ZNF184: variants seen among roughly 807,000 people sequenced by gnomAD.
The protein encoded by ZNF184 is zinc finger protein 184, also known as zinc finger protein 184 (Kruppel-like).
ZNF184 carries 16 observed loss-of-function variants against 54.4 expected under a neutral mutation model. The ratio of observed to expected loss-of-function variants is 0.29; its 90% CI spans 0.20 to 0.45. The LOEUF is 0.45. Ranked by LOEUF, ZNF184 falls within the 20% of genes least tolerant of loss-of-function variation. The pLI, the probability that ZNF184 is intolerant of heterozygous loss-of-function variation, is 1.00. For missense variants in ZNF184, 681 were observed against 888.2 expected (o/e 0.77, Z 2.97); for synonymous variants, 254 against 295.3 (o/e 0.86, Z 1.43).
At chr6:27,427,116 TA>T in the ZNF184 span, among the ~76,000 whole-genome samples, 378 of 106,874 alleles carry the variant, frequency 3.5e-3, no homozygotes, top group African/African-American at 6.7e-3. Context: ...ACACTCTATG[TA>T]AAAAAAAAAA....
chr6:27,418,558 T>C, the ZNF184 span, among the ~76,000 whole-genome samples: 2 of 152,366 alleles, frequency 1.3e-5, no homozygotes, highest in South Asian at 4.1e-4. Context: ...TTTAATTTTT[T>C]CTGCCTAATA....
the ZNF184 span, among the ~76,000 whole-genome samples, chr6:27,425,825 A>G: frequency 6.6e-6 from 1 of 152,136 alleles, no homozygotes; most frequent in Non-Finnish European, 1.5e-5. Flanking sequence ...CTCTGAAACT[A>G]TATAAATCTT....
chr6:27,445,230 A>G, the ZNF184 span, among the ~76,000 whole-genome samples: 1 of 152,240 alleles, frequency 6.6e-6, no homozygotes, highest in African/African-American at 2.4e-5. Flanking sequence ...AAGTGGGTAA[A>G]TAGTGAAACA....
At chr6:27,471,643 A>G (rs1265480665) in intron 2 of ZNF184, among the ~76,000 whole-genome samples, 1 of 152,220 alleles carries the variant, frequency 6.6e-6, no homozygotes, top group Non-Finnish European at 1.5e-5. Context: ...CATCACATAG[A>G]CCAATCAAAA....
At chr6:27,470,602 A>G (rs1000441639) in intron 2 of ZNF184, among the ~76,000 whole-genome samples, 1 of 152,220 alleles carries the variant, frequency 6.6e-6, no homozygotes, top group African/African-American at 2.4e-5. Context: ...AAAATGTTCT[A>G]AATGCACAGA....
At chr6:27,443,583 C>A in the ZNF184 span, among the ~76,000 whole-genome samples, 1 of 152,146 alleles carries the variant, frequency 6.6e-6, no homozygotes, top group African/African-American at 2.4e-5. Context: ...CAATAGTCAA[C>A]AACCTAGACC....
chr6:27,420,401 C>G, the ZNF184 span, among the ~76,000 whole-genome samples: 14 of 152,164 alleles, frequency 9.2e-5, no homozygotes, highest in African/African-American at 3.1e-4. Flanking sequence ...CCATGACAGT[C>G]TTCTCTGGCC....
At chr6:27,439,904 A>T in the ZNF184 span, among the ~76,000 whole-genome samples, 1 of 152,078 alleles carries the variant, frequency 6.6e-6, no homozygotes, top group East Asian at 1.9e-4. Flanking sequence ...TTGTATGAAA[A>T]TTTTTTTGTT....
Position 27,452,884 on chromosome 6 carries a change from A to G in ZNF184, c.675T>C (p.Asn225=), listed in dbSNP as rs752102829. 1 of 1,614,108 alleles carries G rather than the reference A, an allele frequency of 6.2e-7. No individual in the cohort carries two copies. Among genetic ancestry groups the G allele is most frequent in the Non-Finnish European group, 8.5e-7 (1 of 1,179,990 alleles). ...PVKKEKSCKC[N]ECGKAFSYCS... ...AATAACTAAAGGCTTTCCCACATTCATTGCACTTACAAGATTTCTCTTTTT... is the reference window on the plus strand; with the variant it reads ...AATAACTAAAGGCTTTCCCACATTCGTTGCACTTACAAGATTTCTCTTTTT... Residue 225 remains asparagine, a synonymous_variant, in exon 6 of 6, where the codon AAT becomes AAC. Coordinates refer to ENST00000683788, the MANE Select transcript of ZNF184 (RefSeq NM_001318891.2). The surrounding 1 kb of genome is among the most constrained non-coding windows in gnomAD (Gnocchi z 5.5).
chr6:27,417,392 T>G, the ZNF184 span, among the ~76,000 whole-genome samples: 1 of 152,180 alleles, frequency 6.6e-6, no homozygotes, highest in Non-Finnish European at 1.5e-5. Flanking sequence ...CTGGTTTTTT[T>G]TTTTCCTCAA....
chr6:27,432,252 G>C, the ZNF184 span, among the ~76,000 whole-genome samples: 1 of 151,906 alleles, frequency 6.6e-6, no homozygotes, highest in Non-Finnish European at 1.5e-5. This position sits in a 1 kb window ranked among gnomAD's most constrained non-coding sequence, Gnocchi z 4.0. Context: ...GTTTCTGCAT[G>C]ATGGGCCAAT....
At chr6:27,420,901 T>C in the ZNF184 span, among the ~76,000 whole-genome samples, 3 of 152,188 alleles carry the variant, frequency 2.0e-5, no homozygotes. Flanking sequence ...AATGGAAGAT[T>C]ATTCAGTGCT....
At chr6:27,466,488 C>T (rs1763140879) in intron 3 of ZNF184, among the ~76,000 whole-genome samples, 1 of 152,124 alleles carries the variant, frequency 6.6e-6, no homozygotes, top group Admixed American at 6.5e-5. Context: ...AGATGTACCA[C>T]ATTCTGGACA....
chr6:27,430,036 G>A, the ZNF184 span, among the ~76,000 whole-genome samples: 1 of 152,172 alleles, frequency 6.6e-6, no homozygotes, highest in Admixed American at 6.5e-5. Context: ...TAATTGGGTG[G>A]AGAAGTGACT....
At chr6:27,471,043 G>A (rs1488401802) in intron 2 of ZNF184, among the ~76,000 whole-genome samples, 1 of 151,988 alleles carries the variant, frequency 6.6e-6, no homozygotes, top group Non-Finnish European at 1.5e-5. Context: ...TTTAACAAAG[G>A]CAAAAAAAGG....
At chr6:27,456,786 C>A (rs372136247) in intron 5 of ZNF184, 40 bp downstream of exon 5, 2 of 1,530,024 alleles carry the variant, frequency 1.3e-6, no homozygotes, top group African/African-American at 1.4e-5. Context: ...GGCTGACAGT[C>A]GGAGTTAATG....
Position 27,472,336 on chromosome 6 carries a change from G to T in ZNF184, c.-42C>A, listed in dbSNP as rs1050989372. ...GTTCCTCTGGAACTTGAACACCAGGGTTCGCCAGGCAGCGTTCCTTCAGCT... is the reference window on the plus strand; with the variant it reads ...GTTCCTCTGGAACTTGAACACCAGGTTTCGCCAGGCAGCGTTCCTTCAGCT... On this transcript the variant is annotated 5_prime_UTR_variant, in exon 2 of 6. Transcript: ENST00000683788. This position sits in a 1 kb window ranked among gnomAD's most constrained non-coding sequence, Gnocchi z 4.8. 4 of 1,613,864 alleles carry T rather than the reference G, an allele frequency of 2.5e-6. No individual in the cohort carries two copies. The East Asian group carries it at 8.9e-5, about 36-fold the overall frequency.
chr6:27,452,926 CT>C lies in ZNF184; in HGVS notation c.632del (p.Gln211ArgfsTer56), dbSNP rs757769656. 1 of 1,614,112 alleles carries C rather than the reference CT, an allele frequency of 6.2e-7. No homozygotes were observed. Among genetic ancestry groups the C allele is most frequent in the Admixed American group, 1.7e-5 (1 of 60,016 alleles). ...EETSTKRSIK[Q>X]NSNPVKKEKS... The stretch of plus-strand genomic sequence containing the variant: ...TCTCTTTTTTAACTGGGTTTGAATT[CT>C]GTTTGATGCTTCTTTTAGTAGAGGT... On this transcript the variant is annotated frameshift_variant, in exon 6 of 6. Coordinates refer to ENST00000683788, the MANE Select transcript of ZNF184 (RefSeq NM_001318891.2). LOFTEE classifies it high-confidence loss of function. The surrounding 1 kb of genome is among the most constrained non-coding windows in gnomAD (Gnocchi z 5.5).
the ZNF184 span, among the ~76,000 whole-genome samples, chr6:27,435,003 C>T: frequency 6.6e-6 from 1 of 152,104 alleles, no homozygotes. Context: ...TGTCTAGTCT[C>T]TTCCATTGGT....
Sources: allele counts gnomAD v4.1 joint callset (sites outside exome capture counted in the v4.1 genomes callset), GRCh38; gene constraint gnomAD v4.1.1; non-coding constraint Gnocchi (gnomAD v3.1); transcripts MANE v1.5; gene names NCBI Gene and HGNC (gene_info 2026-07-23, HGNC 2026-07-21).